CTNNA2: variants seen among roughly 807,000 people sequenced by gnomAD.
The protein encoded by CTNNA2 is catenin alpha-2.
In CTNNA2, 42 loss-of-function variants were observed where a neutral mutation model predicts 101.0. That is an observed-to-expected ratio of 0.42 (90% CI 0.32 to 0.54). The LOEUF is 0.54. Ranked by LOEUF, CTNNA2 falls within the 20% of genes least tolerant of loss-of-function variation. CTNNA2 has a pLI of 0.14. For synonymous variants in CTNNA2, 450 were observed against 456.4 expected, an observed-to-expected ratio of 0.99 and a Z score of 0.18; for missense variants, 871 against 1,223.1, an observed-to-expected ratio of 0.71 and a Z score of 4.29.
At chr2:80,366,796 A>G (rs1008308302) in intron 7 of CTNNA2, among the ~76,000 whole-genome samples, 3 of 152,168 alleles carry the variant, frequency 2.0e-5, no homozygotes, top group African/African-American at 7.2e-5. Context: ...TTGCGGATGC[A>G]CAGCTGTGAC....
intron 7 of CTNNA2, among the ~76,000 whole-genome samples, chr2:80,113,363 CA>C (rs753479378): frequency 6.3e-4 from 96 of 152,280 alleles, no homozygotes; most frequent in Non-Finnish European, 1.2e-3. Flanking sequence ...CAGAGCAGTA[CA>C]GGCGTACACA....
intron 9 of CTNNA2, among the ~76,000 whole-genome samples, chr2:80,532,377 C>T (rs1424266855): frequency 6.6e-6 from 1 of 152,138 alleles, no homozygotes; most frequent in East Asian, 1.9e-4. Context: ...CTCCTTTGTC[C>T]AGCATATGCA....
chr2:79,648,994 G>C (rs557699210), intron 1 of CTNNA2, among the ~76,000 whole-genome samples: 1 of 152,250 alleles, frequency 6.6e-6, no homozygotes, highest in East Asian at 1.9e-4. Flanking sequence ...ATTAATTTGA[G>C]TGATTTGTCT....
chr2:80,166,967 C>T (rs1704736762), intron 7 of CTNNA2, among the ~76,000 whole-genome samples: 1 of 152,104 alleles, frequency 6.6e-6, no homozygotes, highest in East Asian at 1.9e-4. Context: ...AAAGAAAACC[C>T]AGGGGACTCA....
chr2:80,366,866 A>G (rs1210211872), intron 7 of CTNNA2, among the ~76,000 whole-genome samples: 1 of 152,090 alleles, frequency 6.6e-6, no homozygotes, highest in Non-Finnish European at 1.5e-5. Context: ...ACTTAATTTT[A>G]TACATTTTAG....
rs554699786 is a variant in CTNNA2, at chr2:79,977,309, G to C, written c.1056+67512G>C. ...AGATGTAATTATCATGTAGACCCAG[G>C]GGCAGTTTTGCACTCCAAGGGACAT... On this transcript the variant is annotated intron_variant, in intron 7 of 18. Coordinates refer to ENST00000402739, the MANE Select transcript of CTNNA2 (RefSeq NM_001282597.3). Among the ~76,000 whole-genome samples the C allele has an allele frequency of 2.0e-5, 3 of 151,396 alleles. No homozygotes were observed. In the South Asian group the frequency reaches 6.3e-4, roughly 32 times the overall value.
chr2:80,231,740 C>T (rs541713916), intron 7 of CTNNA2, among the ~76,000 whole-genome samples: 87 of 152,252 alleles, frequency 5.7e-4, no homozygotes, highest in South Asian at 1.9e-3. Flanking sequence ...CAGCAGGCCC[C>T]GCAGGAAATC....
chr2:80,326,443 A>T (rs549856922), intron 7 of CTNNA2, among the ~76,000 whole-genome samples: 1 of 152,214 alleles, frequency 6.6e-6, no homozygotes, highest in South Asian at 2.1e-4. Flanking sequence ...CTATTTCTAT[A>T]CTTAGAAGAT....
At chr2:79,926,820 A>G (rs17261209) in intron 7 of CTNNA2, among the ~76,000 whole-genome samples, 21,320 of 151,822 alleles carry the variant, frequency 0.14, 1,672 homozygotes, top group Middle Eastern at 0.24. Flanking sequence ...CAATAGAATG[A>G]GAGACTTATT....
Position 79,775,504 on chromosome 2 carries a change from A to G in CTNNA2, c.298+30922A>G, listed in dbSNP as rs1028836783. Among the ~76,000 whole-genome samples, 7 of 152,294 alleles carry G rather than the reference A, an allele frequency of 4.6e-5. 2 individuals are homozygous for G. The highest frequency in any genetic ancestry group is 4.6e-4 in the Admixed American group (7 of 15,288). On this transcript the variant is annotated intron_variant, in intron 3 of 18. Coordinates refer to ENST00000402739, the MANE Select transcript of CTNNA2 (RefSeq NM_001282597.3). ...TTAAGTTCAGGGGTACATGTGCAGG[A>G]GGTGCAGGTTTATTACATAGGTAAA...
chr2:80,022,472 G>C (rs1424178777), intron 7 of CTNNA2, among the ~76,000 whole-genome samples: 1 of 152,118 alleles, frequency 6.6e-6, no homozygotes, highest in Non-Finnish European at 1.5e-5. Flanking sequence ...AAATGAGAAT[G>C]AACTATTCAG....
chr2:80,301,235 G>T (rs1439451328), intron 7 of CTNNA2, among the ~76,000 whole-genome samples: 1 of 152,180 alleles, frequency 6.6e-6, no homozygotes, highest in African/African-American at 2.4e-5. Flanking sequence ...GCCTAAGCTT[G>T]CTGCAGTCTT....
rs78175871 is a variant in CTNNA2 at position 79,909,513 on chromosome 2, T to C, written c.853-81T>C. On this transcript the variant is annotated intron_variant, in intron 6 of 18. Coordinates refer to ENST00000402739, the MANE Select transcript of CTNNA2 (RefSeq NM_001282597.3). ...TGGGGACTCCTGTTCTTGCCTCAGA[T>C]ATTTCTGGTTTCAAAACAGGGTGCC... The C allele has an allele frequency of 3.8e-3, 4,377 of 1,159,812 alleles. 145 individuals are homozygous for C. In the African/African-American group the frequency reaches 0.062, roughly 16 times the overall value. 71.8% of individuals were successfully genotyped at this position (1,159,812 alleles called of 1,614,324 possible). A position where few individuals can be genotyped will look rare whatever the true frequency, so the allele number is the denominator to read the frequency against.
chr2:79,610,578 A>G (rs1296469638), intron 1 of CTNNA2, among the ~76,000 whole-genome samples: 2 of 152,192 alleles, frequency 1.3e-5, no homozygotes, highest in African/African-American at 4.8e-5. Flanking sequence ...CAAGATGATT[A>G]TGCAGAGTGA....
intron 9 of CTNNA2, among the ~76,000 whole-genome samples, chr2:80,432,625 C>A (rs951580114): frequency 1.3e-5 from 2 of 151,976 alleles, no homozygotes; most frequent in South Asian, 2.1e-4. Context: ...AACAATAGGA[C>A]CCTCATTATT....
At chr2:79,458,635 T>A (rs750784652) in intron 4 of CTNNA2, among the ~76,000 whole-genome samples, 2 of 152,184 alleles carry the variant, frequency 1.3e-5, no homozygotes, top group Non-Finnish European at 2.9e-5. Context: ...GAAGAGTTGG[T>A]GCCCTCTCAA....
At position 80,555,608 on chromosome 2, in the gene CTNNA2, G is replaced by C. The variant is rs960140960; in HGVS notation, c.1541-85G>C. 2.2e-5 allele frequency: 16 copies of C among 718,260 alleles called. No homozygotes were observed. In the South Asian group the frequency reaches 4.7e-4, roughly 21 times the overall value. 44.5% of individuals were successfully genotyped at this position (718,260 alleles called of 1,614,324 possible). ...ATGCATTGAGATGTGTCCAAGGCAAGGGCTCATGAGAGTTGAATCAATTTT... is the reference window on the plus strand; with the variant it reads ...ATGCATTGAGATGTGTCCAAGGCAACGGCTCATGAGAGTTGAATCAATTTT... On this transcript the variant is annotated intron_variant, in intron 11 of 18. Coordinates refer to ENST00000402739, the MANE Select transcript of CTNNA2 (RefSeq NM_001282597.3).
At chr2:80,263,052 A>G (rs1210734799) in intron 7 of CTNNA2, among the ~76,000 whole-genome samples, 2 of 152,148 alleles carry the variant, frequency 1.3e-5, no homozygotes, top group African/African-American at 4.8e-5. Context: ...CTAATTTTAG[A>G]ATATTCTTTT....
At chr2:80,536,177 G>A (rs983930423) in intron 9 of CTNNA2, among the ~76,000 whole-genome samples, 5 of 152,128 alleles carry the variant, frequency 3.3e-5, no homozygotes. Flanking sequence ...ATCTTCGTGT[G>A]TACTAATTAC....
Sources: gnomAD v4.1 joint callset for allele counts (sites outside exome capture counted in the v4.1 genomes callset) on GRCh38, gnomAD v4.1.1 for gene constraint, MANE v1.5 for transcripts, NCBI Gene and HGNC (gene_info 2026-07-23, HGNC 2026-07-21) for gene names.